PGLYRP3: variants seen among roughly 807,000 people sequenced by gnomAD.
The protein encoded by PGLYRP3 is peptidoglycan recognition protein 3.
A neutral mutation model predicts 36.0 loss-of-function variants in PGLYRP3; 39 were observed. The ratio of observed to expected loss-of-function variants is 1.08; its 90% CI spans 0.84 to 1.41. The LOEUF is 1.41. PGLYRP3 is among the 40% of genes most tolerant of loss of function. PGLYRP3 has a pLI of 0.00. For missense variants in PGLYRP3, 407 were observed against 427.9 expected (o/e 0.95, Z 0.43); for synonymous variants, 204 against 172.8 (o/e 1.18, Z -1.42).
chr1:153,305,253 T>C (rs545927067), intron 3 of PGLYRP3, among the ~76,000 whole-genome samples, 188 bp from the exon 4 acceptor site: 11 of 152,294 alleles, frequency 7.2e-5, no homozygotes, highest in Non-Finnish European at 1.2e-4. Context: ...TTAATTTTTG[T>C]TGGGATTTAG....
At chr1:153,308,414 C>T (rs548594628) in intron 2 of PGLYRP3, among the ~76,000 whole-genome samples, 1 of 152,296 alleles carries the variant, frequency 6.6e-6, no homozygotes, top group African/African-American at 2.4e-5. Flanking sequence ...CCTGGGATTC[C>T]TCCCCACCCC....
chr1:153,312,028 T>C (rs982868305), intron 1 of PGLYRP3, among the ~76,000 whole-genome samples: 6 of 152,244 alleles, frequency 3.9e-5, no homozygotes, highest in Admixed American at 1.3e-4. Context: ...TGTTAGGAGC[T>C]GGCCTCCTGC....
At chr1:153,310,032 A>C (rs1659857193) in intron 2 of PGLYRP3, among the ~76,000 whole-genome samples, 1 of 152,234 alleles carries the variant, frequency 6.6e-6, no homozygotes, top group South Asian at 2.1e-4. Flanking sequence ...AAACAAACTG[A>C]AAAACATGTC....
At chr1:153,299,592 TCTC>T (rs1271898507) in intron 6 of PGLYRP3, among the ~76,000 whole-genome samples, 1 of 151,900 alleles carries the variant, frequency 6.6e-6, no homozygotes, top group African/African-American at 2.4e-5. Flanking sequence ...CCCTCCTTGT[TCTC>T]CTCCTCCTGC....
intron 2 of PGLYRP3, among the ~76,000 whole-genome samples, chr1:153,308,000 C>CTCT (rs527287616): frequency 6.9e-6 from 1 of 145,256 alleles, no homozygotes; most frequent in Non-Finnish European, 1.5e-5. Flanking sequence ...TTCTCTCTCT[C>CTCT]TTTTTTTTTT....
rs761258834 is a variant in PGLYRP3, at chr1:153,302,465, G to C, written c.672C>G (p.Val224=). 6.2e-7 allele frequency: 1 copy of C among 1,614,208 alleles called. No homozygotes were observed. Among genetic ancestry groups the C allele is most frequent in the South Asian group, 1.1e-5 (1 of 91,082 alleles). Residue 224 remains valine, a synonymous_variant, in exon 6 of 8, where the codon GTC becomes GTG. Coordinates refer to ENST00000683862, the MANE Select transcript of PGLYRP3 (RefSeq NM_052891.3). The part of the protein sequence containing the change: ...CTVSTDCQTV[V]RNIQSFHMDT... ...CCATGTGAAAGGACTGTATGTTTCG[G>C]ACGACAGTCTGGCAGTCTGTGGATA...
At chr1:153,299,694 A>G (rs1391063108) in intron 6 of PGLYRP3, among the ~76,000 whole-genome samples, 4 of 152,196 alleles carry the variant, frequency 2.6e-5, no homozygotes, top group Middle Eastern at 3.4e-3. Context: ...CTCTCACTCA[A>G]CGTATTCACC....
At position 153,297,462 on chromosome 1, in the gene PGLYRP3, G is replaced by A. The variant is rs1334012163; in HGVS notation, c.*494C>T. ...AGGCGGGGAGAGGGGGAGAGAGAGAGAGAGAGAGAGAGAGTGAGAAAGCAA... is the reference window on the plus strand; with the variant it reads ...AGGCGGGGAGAGGGGGAGAGAGAGAAAGAGAGAGAGAGAGTGAGAAAGCAA... On this transcript the variant is annotated 3_prime_UTR_variant, in exon 8 of 8. Coordinates refer to ENST00000683862, the MANE Select transcript of PGLYRP3 (RefSeq NM_052891.3). 2.9e-5 allele frequency among the ~76,000 whole-genome samples: 4 copies of A among 139,970 alleles called. No individual in the cohort carries two copies. The highest frequency in any genetic ancestry group is 5.4e-5 in the African/African-American group (2 of 37,116). The allele number at this position is 139,970 out of a possible 152,430, so 91.8% of individuals were successfully genotyped here.
intron 1 of PGLYRP3, among the ~76,000 whole-genome samples, chr1:153,311,096 G>A (rs1269991822): frequency 1.3e-5 from 2 of 152,000 alleles, no homozygotes; most frequent in African/African-American, 4.8e-5. Context: ...AATTTTTATA[G>A]GTAAGAACAT....
chr1:153,307,678 C>T (rs1455174246), intron 2 of PGLYRP3, among the ~76,000 whole-genome samples: 2 of 152,176 alleles, frequency 1.3e-5, no homozygotes, highest in African/African-American at 2.4e-5. Flanking sequence ...GCCCTGGTCT[C>T]AACTGTGTCT....
At chr1:153,308,741 C>G (rs967603670) in intron 2 of PGLYRP3, among the ~76,000 whole-genome samples, 2 of 152,212 alleles carry the variant, frequency 1.3e-5, no homozygotes, top group Non-Finnish European at 2.9e-5. Flanking sequence ...GGTCACCTAA[C>G]GTCTTCTAGC....
At chr1:153,312,345 A>G (rs1269897526) in intron 1 of PGLYRP3, among the ~76,000 whole-genome samples, 1 of 152,220 alleles carries the variant, frequency 6.6e-6, no homozygotes, top group Admixed American at 6.5e-5. Context: ...GAGACAAGTG[A>G]GACATAATAG....
At chr1:153,302,100 T>C (rs751281275) in intron 6 of PGLYRP3, among the ~76,000 whole-genome samples, 3 of 152,188 alleles carry the variant, frequency 2.0e-5, no homozygotes, top group African/African-American at 7.2e-5. Context: ...TAGAAGGGAT[T>C]GCATTAAAAA....
chr1:153,310,208 C>CCTG (rs1411429271), intron 2 of PGLYRP3, among the ~76,000 whole-genome samples: 1 of 152,082 alleles, frequency 6.6e-6, no homozygotes, highest in Non-Finnish European at 1.5e-5. Flanking sequence ...AAATGTAGAC[C>CCTG]CAAGTGCTGG....
chr1:153,310,517 G>A (rs999820261), intron 2 of PGLYRP3, 94 bp downstream of exon 2: 121 of 1,340,578 alleles, frequency 9.0e-5, no homozygotes, highest in Admixed American at 3.4e-5. Context: ...CACTAACAAA[G>A]TGAAAGCACT....
chr1:153,303,794 C>T, intron 5 of PGLYRP3, 63 bp downstream of exon 5: 2 of 1,532,498 alleles, frequency 1.3e-6, no homozygotes, highest in East Asian at 4.5e-5. Flanking sequence ...CACTCCCAAA[C>T]ATGACTCCAA....
rs1429278577 is a variant in PGLYRP3 at position 153,297,614 on chromosome 1, G to T, written c.*342C>A. ...AAAGAAAGAAAGAAAGAGAAAGGAA[G>T]CAAAGAAAGAAAGAAGAGGAGACAG... On this transcript the variant is annotated 3_prime_UTR_variant, in exon 8 of 8. Coordinates refer to ENST00000683862, the MANE Select transcript of PGLYRP3 (RefSeq NM_052891.3). Among the ~76,000 whole-genome samples the T allele has an allele frequency of 6.7e-6, 1 of 148,464 alleles. No homozygotes were observed. Among genetic ancestry groups the T allele is most frequent in the African/African-American group, 2.6e-5 (1 of 38,670 alleles).
chr1:153,297,988 T>A lies in PGLYRP3; in HGVS notation c.994A>T (p.Ile332Phe). Residue 332 changes from isoleucine to phenylalanine, a missense_variant, in exon 8 of 8, where the codon ATC (isoleucine) becomes TTC (phenylalanine). Ile to Phe is a conservative substitution (Grantham distance 21). Transcript: ENST00000683862. Reference sequence around the variant, plus strand: ...TTGAAATGAGGCCAGGTGCTGATGATGTTATACAAAGCCTGCCCAGGGGAC... The same window carrying A: ...TTGAAATGAGGCCAGGTGCTGATGAAGTTATACAAAGCCTGCCCAGGGGAC... ...ILSPGQALYN[I>F]ISTWPHFKH 2 of 1,613,774 alleles carry A rather than the reference T, an allele frequency of 1.2e-6. No homozygotes were observed. The highest frequency in any genetic ancestry group is 2.2e-5 in the South Asian group (2 of 91,058).
chr1:153,306,959 A>G, intron 3 of PGLYRP3, 107 bp downstream of exon 3: 1 of 1,084,900 alleles, frequency 9.2e-7, no homozygotes, highest in Non-Finnish European at 1.3e-6. Context: ...ATTCATTACA[A>G]AAGCAATGTA....
Sources: allele counts gnomAD v4.1 joint callset (sites outside exome capture counted in the v4.1 genomes callset), GRCh38; gene constraint gnomAD v4.1.1; transcripts MANE v1.5; gene names NCBI Gene and HGNC (gene_info 2026-07-23, HGNC 2026-07-21).